The following KLHDC10 variants were observed in gnomAD, a reference collection of about 807,000 sequenced individuals.
KLHDC10 encodes kelch domain containing 10.
In KLHDC10, 24 loss-of-function variants were observed where a neutral mutation model predicts 56.1. The observed-to-expected ratio is 0.43, with a 90% CI of 0.31 to 0.60. The LOEUF (loss-of-function observed/expected upper bound fraction) is 0.60, where lower values mean the gene tolerates loss of function less well. Among genes scored for constraint, KLHDC10 ranks in the 20% least tolerant of loss-of-function variants. The probability of loss-of-function intolerance (pLI) is 0.11; values close to 1 mark genes in which losing one functional copy is unlikely to be tolerated. For synonymous variants in KLHDC10, 188 were observed against 207.1 expected, an observed-to-expected ratio of 0.91 and a Z score of 0.79; for missense variants, 349 against 567.0, an observed-to-expected ratio of 0.62 and a Z score of 3.91.
intron 1 of KLHDC10, among the ~76,000 whole-genome samples, chr7:130,082,162 A>AT (rs1487156619): frequency 1.3e-5 from 2 of 152,148 alleles, no homozygotes; most frequent in Non-Finnish European, 2.9e-5. Flanking sequence ...AAAATAAACA[A>AT]TATTAGCCAG....
intron 2 of KLHDC10, among the ~76,000 whole-genome samples, chr7:130,108,197 C>T (rs1015669606): frequency 4.0e-5 from 6 of 151,438 alleles, no homozygotes; most frequent in Non-Finnish European, 5.9e-5. Flanking sequence ...CACTGTACAC[C>T]AGCCTGGGCG....
intron 1 of KLHDC10, among the ~76,000 whole-genome samples, chr7:130,092,573 T>G (rs988964068): frequency 2.0e-5 from 3 of 152,174 alleles, no homozygotes; most frequent in Non-Finnish European, 4.4e-5. Flanking sequence ...CTCTTCTGCC[T>G]GGGTGTTAGT....
chr7:130,101,827 G>A (rs947252207), intron 2 of KLHDC10, among the ~76,000 whole-genome samples: 2 of 151,940 alleles, frequency 1.3e-5, no homozygotes, highest in Non-Finnish European at 1.5e-5. Flanking sequence ...AAAATTAGCC[G>A]GGCGTGGTAG....
intron 2 of KLHDC10, among the ~76,000 whole-genome samples, chr7:130,103,371 G>A (rs1336648766): frequency 6.7e-6 from 1 of 149,534 alleles, no homozygotes; most frequent in Non-Finnish European, 1.5e-5. Flanking sequence ...GTTGCAGTGA[G>A]CTGAGATCAT....
rs1468425202 is a variant in KLHDC10, at chr7:130,106,675, C to T, written c.253+9668C>T. Reference sequence around the variant, plus strand: ...GACATATATGCTTTTCTGTATGTTACATTTGAATACAAACTTTGTGTTGGG... The same window carrying T: ...GACATATATGCTTTTCTGTATGTTATATTTGAATACAAACTTTGTGTTGGG... On this transcript the variant is annotated intron_variant, in intron 2 of 9. Transcript: ENST00000335420. 4.6e-5 allele frequency among the ~76,000 whole-genome samples: 7 copies of T among 152,302 alleles called. No homozygotes were observed. The East Asian group carries it at 1.3e-3, about 29-fold the overall frequency.
At position 130,070,594 on chromosome 7, in the gene KLHDC10, C is replaced by A; in HGVS notation, c.-50C>A. 1 of 1,286,850 alleles carries A rather than the reference C, an allele frequency of 7.8e-7. No individual in the cohort carries two copies. The highest frequency in any genetic ancestry group is 9.9e-7 in the Non-Finnish European group (1 of 1,013,110). 79.7% of individuals were successfully genotyped at this position (1,286,850 alleles called of 1,614,324 possible). A position where few individuals can be genotyped will look rare whatever the true frequency, so the allele number is the denominator to read the frequency against. On this transcript the variant is annotated 5_prime_UTR_variant, in exon 1 of 10. Transcript: ENST00000335420. ...CCCAGGAAGGAGGCTCCGCTGGTTC[C>A]GCTGGGTCAGGCGCTGACGGGACCG...
intron 2 of KLHDC10, among the ~76,000 whole-genome samples, chr7:130,105,756 G>T (rs1795998983): frequency 6.6e-6 from 1 of 152,146 alleles, no homozygotes; most frequent in African/African-American, 2.4e-5. Flanking sequence ...CTTGACCTGG[G>T]TGATGGTTAT....
At position 130,130,181 on chromosome 7, in the gene KLHDC10, G is replaced by A. The variant is rs1796379282; in HGVS notation, c.1120-356G>A. On this transcript the variant is annotated intron_variant, in intron 9 of 9. Coordinates refer to ENST00000335420, the MANE Select transcript of KLHDC10 (RefSeq NM_014997.4). The surrounding 1 kb of genome is among the most constrained non-coding windows in gnomAD (Gnocchi z 4.2). ...AAATACAAAAAAAAATTAGCCGGAC[G>A]TGGTGGCGCGTGCCTGTATTCCCAG... Among the ~76,000 whole-genome samples the A allele has an allele frequency of 6.6e-6, 1 of 151,830 alleles. No homozygotes were observed. Among genetic ancestry groups the A allele is most frequent in the Non-Finnish European group, 1.5e-5 (1 of 67,958 alleles).
At chr7:130,095,518 A>C (rs577442129) in intron 1 of KLHDC10, among the ~76,000 whole-genome samples, 5 of 152,326 alleles carry the variant, frequency 3.3e-5, no homozygotes, top group Admixed American at 1.3e-4. Flanking sequence ...GCATTTGAGA[A>C]TCATTGATTT....
chr7:130,128,907 T>C (rs1431732508), intron 8 of KLHDC10, among the ~76,000 whole-genome samples: 2 of 125,318 alleles, frequency 1.6e-5, no homozygotes. Flanking sequence ...TATATATATA[T>C]ATATATATAT....
At chr7:130,129,397 T>C in intron 8 of KLHDC10, 40 bp from the exon 9 acceptor site, 5 of 1,609,904 alleles carry the variant, frequency 3.1e-6, no homozygotes, top group Non-Finnish European at 4.2e-6. Context: ...GCTTTGGCTC[T>C]TTTCCTTTGT....
chr7:130,108,657 G>A (rs1308295513), intron 2 of KLHDC10, among the ~76,000 whole-genome samples: 1 of 149,678 alleles, frequency 6.7e-6, no homozygotes, highest in Non-Finnish European at 1.5e-5. Flanking sequence ...GGGAGGTGGA[G>A]GTTGCAATGA....
In KLHDC10 at chr7:130,131,088, A is replaced by C; in HGVS notation, c.*342A>C. 7 of 177,118 alleles carry C rather than the reference A, an allele frequency of 4.0e-5. No individual in the cohort carries two copies. The highest frequency in any genetic ancestry group is 6.0e-5 in the Non-Finnish European group (5 of 83,556). 11.0% of individuals were successfully genotyped at this position (177,118 alleles called of 1,614,324 possible). ...TTTTAAAGGAATTCTGAATAGTTCC[A>C]TGTCATACAATATTCTAGAAATTAA... On this transcript the variant is annotated 3_prime_UTR_variant, in exon 10 of 10. Transcript: ENST00000335420.
chr7:130,090,361 G>A (rs1795753865), intron 1 of KLHDC10, among the ~76,000 whole-genome samples: 1 of 152,064 alleles, frequency 6.6e-6, no homozygotes, highest in Non-Finnish European at 1.5e-5. Context: ...ACCGAGGTGG[G>A]CAAATCATTG....
At chr7:130,111,183 C>A (rs529713664) in intron 2 of KLHDC10, among the ~76,000 whole-genome samples, 1 of 151,796 alleles carries the variant, frequency 6.6e-6, no homozygotes, top group Non-Finnish European at 1.5e-5. Context: ...ATACAACACA[C>A]AAAAATATAA....
intron 1 of KLHDC10, among the ~76,000 whole-genome samples, chr7:130,081,877 A>C (rs1370398551): frequency 6.6e-6 from 1 of 151,824 alleles, no homozygotes; most frequent in East Asian, 1.9e-4. Context: ...TTCTCTGTTT[A>C]TATTTCTTTC....
At chr7:130,090,831 C>T (rs1047973603) in intron 1 of KLHDC10, among the ~76,000 whole-genome samples, 19 of 149,990 alleles carry the variant, frequency 1.3e-4, no homozygotes, top group African/African-American at 3.4e-4. Flanking sequence ...ATGTTAGATT[C>T]GTGTGGCCAC....
chr7:130,116,356 C>A lies in KLHDC10; in HGVS notation c.254-89C>A, dbSNP rs1796167853. On this transcript the variant is annotated intron_variant, in intron 2 of 9. Coordinates refer to ENST00000335420, the MANE Select transcript of KLHDC10 (RefSeq NM_014997.4). This position sits in a 1 kb window ranked among gnomAD's most constrained non-coding sequence, Gnocchi z 4.8. ...CATGTTATAAATCCTTCCTGGTCCC[C>A]TTTTATGGCTAAAATGGTTGTTACC... 1.1e-6 allele frequency: 1 copy of A among 942,490 alleles called. No homozygotes were observed. The highest frequency in any genetic ancestry group is 1.7e-6 in the Non-Finnish European group (1 of 603,668). The allele number at this position is 942,490 out of a possible 1,614,324, so 58.4% of individuals were successfully genotyped here.
chr7:130,076,394 AGT>A (rs918942453), intron 1 of KLHDC10, among the ~76,000 whole-genome samples: 2 of 151,956 alleles, frequency 1.3e-5, no homozygotes, highest in Admixed American at 6.6e-5. Flanking sequence ...TATTTTTCAC[AGT>A]TTTTCATTTG....
Sources: gnomAD v4.1 joint callset for allele counts (sites outside exome capture counted in the v4.1 genomes callset) on GRCh38, gnomAD v4.1.1 for gene constraint, Gnocchi (gnomAD v3.1) non-coding constraint, MANE v1.5 for transcripts, NCBI Gene and HGNC (gene_info 2026-07-23, HGNC 2026-07-21) for gene names.